Variants in PEAK1 observed in about 807,000 individuals in gnomAD.
The protein encoded by PEAK1 is pseudopodium enriched atypical kinase 1, also known as inactive tyrosine-protein kinase PEAK1.
Under a neutral mutation model 124.7 loss-of-function variants are expected in PEAK1, and 54 were observed. The observed-to-expected ratio is 0.43, with a 90% CI of 0.35 to 0.54. The LOEUF (loss-of-function observed/expected upper bound fraction) is 0.54. Ranked by LOEUF, PEAK1 falls within the 20% of genes least tolerant of loss-of-function variation. PEAK1 has a pLI of 0.01. For missense variants in PEAK1, 2,046 were observed against 2,134.5 expected, an observed-to-expected ratio of 0.96 and a Z score of 0.82; for synonymous variants, 719 against 760.0, an observed-to-expected ratio of 0.95 and a Z score of 0.89.
chr15:77,196,504 A>G (rs2058109832), intron 6 of PEAK1, among the ~76,000 whole-genome samples: 1 of 152,174 alleles, frequency 6.6e-6, no homozygotes, highest in Admixed American at 6.5e-5. Context: ...AAATTTACTG[A>G]GAAACACTGG....
intron 2 of PEAK1, among the ~76,000 whole-genome samples, chr15:77,338,511 T>C (rs1199630900): frequency 6.6e-6 from 1 of 152,098 alleles, no homozygotes; most frequent in Admixed American, 6.6e-5. Context: ...TTTGTAAAAA[T>C]TAAGTATTTC....
rs555446475 is a variant in PEAK1, at chr15:77,157,119, A to G, written c.3331+1384T>C. On this transcript the variant is annotated intron_variant, in intron 8 of 9. Coordinates refer to ENST00000682557, the MANE Select transcript of PEAK1 (RefSeq NM_001385026.1). ...TATTATCTCCCACAGTGTTACCATAATTTTCTGGCCTTCTTAGGGACTCCT... is the reference window on the plus strand; with the variant it reads ...TATTATCTCCCACAGTGTTACCATAGTTTTCTGGCCTTCTTAGGGACTCCT... 3 of 152,278 alleles carry G rather than the reference A, an allele frequency of 2.0e-5. No individual in the cohort carries two copies. In the South Asian group the frequency reaches 6.2e-4, roughly 32 times the overall value. The allele number at this position is 152,278 out of a possible 1,614,324, so 9.4% of individuals were successfully genotyped here. A position where few individuals can be genotyped will look rare whatever the true frequency, so the allele number is the denominator to read the frequency against.
In PEAK1 at chr15:77,315,528, T is replaced by C. The variant is rs533027889; in HGVS notation, c.-602-29024A>G. Among the ~76,000 whole-genome samples, 25 of 152,254 alleles carry C rather than the reference T, an allele frequency of 1.6e-4. 1 individual carries two copies. Among genetic ancestry groups the C allele is most frequent in the Middle Eastern group, 3.4e-3 (1 of 294 alleles). On this transcript the variant is annotated intron_variant, in intron 2 of 9. Coordinates refer to ENST00000682557, the MANE Select transcript of PEAK1 (RefSeq NM_001385026.1). Reference sequence around the variant, plus strand: ...TCAAATGGTAGTGTTTTGTAATCTCTACTGTATTTCCTATTAAGGTTTTAT... The same window carrying C: ...TCAAATGGTAGTGTTTTGTAATCTCCACTGTATTTCCTATTAAGGTTTTAT...
chr15:77,138,652 C>T (rs1165343830), intron 8 of PEAK1, among the ~76,000 whole-genome samples: 8 of 152,032 alleles, frequency 5.3e-5, no homozygotes, highest in Admixed American at 5.2e-4. Flanking sequence ...CCACTTGAGG[C>T]CAGGAGTTTG....
intron 1 of PEAK1, among the ~76,000 whole-genome samples, chr15:77,388,077 C>T: frequency 6.6e-6 from 1 of 152,074 alleles, no homozygotes; most frequent in East Asian, 1.9e-4. Flanking sequence ...CCTGTGGTCC[C>T]AGCTACTTGT....
At chr15:77,138,047 A>G (rs1168593730) in intron 8 of PEAK1, among the ~76,000 whole-genome samples, 2 of 152,168 alleles carry the variant, frequency 1.3e-5, no homozygotes, top group African/African-American at 4.8e-5. Flanking sequence ...TGCCATTCAC[A>G]TAAGATGTGA....
At chr15:77,214,038 T>C (rs984097095) in intron 6 of PEAK1, among the ~76,000 whole-genome samples, 1 of 152,190 alleles carries the variant, frequency 6.6e-6, no homozygotes, top group Non-Finnish European at 1.5e-5. Flanking sequence ...TACTACATAG[T>C]AGTCATGTTT....
intron 6 of PEAK1, among the ~76,000 whole-genome samples, chr15:77,250,202 CATATATATGTATATATATACACATATAT>C (rs1250455027): frequency 2.9e-5 from 3 of 104,398 alleles, no homozygotes; most frequent in African/African-American, 6.4e-5. Context: ...CATATATATA[CATATATATGTATATATATACACATATAT>C]ATGTATATGT....
chr15:77,226,355 C>T (rs182840655), intron 6 of PEAK1, among the ~76,000 whole-genome samples: 1 of 151,412 alleles, frequency 6.6e-6, no homozygotes, highest in Admixed American at 6.6e-5. Flanking sequence ...GCCATGATAA[C>T]GAATTAGGTA....
chr15:77,194,392 C>G (rs940344628), intron 6 of PEAK1, among the ~76,000 whole-genome samples: 3 of 152,124 alleles, frequency 2.0e-5, no homozygotes. Flanking sequence ...ATTTAAACTC[C>G]TTAGAATAAA....
chr15:77,319,250 G>A (rs1208990696), intron 2 of PEAK1, among the ~76,000 whole-genome samples: 4 of 147,244 alleles, frequency 2.7e-5, no homozygotes, highest in Non-Finnish European at 3.0e-5. Context: ...CCCAAATGTA[G>A]TTTAAAAAAA....
chr15:77,320,880 A>G (rs1040436070), intron 2 of PEAK1, among the ~76,000 whole-genome samples: 3 of 151,126 alleles, frequency 2.0e-5, no homozygotes, highest in African/African-American at 7.3e-5. Flanking sequence ...TCATTGTTCA[A>G]TTCCCACCTA....
chr15:77,144,519 G>C (rs912862178), intron 8 of PEAK1, among the ~76,000 whole-genome samples: 1 of 152,210 alleles, frequency 6.6e-6, no homozygotes, highest in African/African-American at 2.4e-5. Context: ...GCGCACAGCA[G>C]GTATGCAGTA....
intron 5 of PEAK1, among the ~76,000 whole-genome samples, chr15:77,256,238 G>GT (rs1393147603): frequency 1.3e-5 from 2 of 152,118 alleles, no homozygotes; most frequent in African/African-American, 4.8e-5. Context: ...AGGCTTGGTA[G>GT]TAAGATAAAT....
intron 6 of PEAK1, among the ~76,000 whole-genome samples, chr15:77,188,888 C>T (rs2057683836): frequency 6.6e-6 from 1 of 152,014 alleles, no homozygotes; most frequent in South Asian, 2.1e-4. Flanking sequence ...AGTACCAGGC[C>T]CTTTACCCAT....
intron 2 of PEAK1, among the ~76,000 whole-genome samples, chr15:77,355,486 C>A (rs547414592): frequency 5.3e-5 from 8 of 152,212 alleles, no homozygotes; most frequent in African/African-American, 1.4e-4. Context: ...CAGAGAGACC[C>A]TTTTATAATT....
chr15:77,364,108 A>G (rs2068069473), intron 2 of PEAK1, among the ~76,000 whole-genome samples: 3 of 152,136 alleles, frequency 2.0e-5, no homozygotes, highest in African/African-American at 7.2e-5. Context: ...CTGAGGTAGG[A>G]GAACTGCTTG....
At chr15:77,252,909 T>A (rs546936769) in intron 5 of PEAK1, among the ~76,000 whole-genome samples, 85 of 152,350 alleles carry the variant, frequency 5.6e-4, no homozygotes, top group African/African-American at 1.9e-3. Flanking sequence ...AACTTCAGTA[T>A]AAAGACCTCT....
chr15:77,178,654 T>C (rs913087662), intron 7 of PEAK1, 136 bp downstream of exon 7: 2 of 829,892 alleles, frequency 2.4e-6, no homozygotes, highest in African/African-American at 3.4e-5. Flanking sequence ...GGAATGCAGT[T>C]ATAAAGATAG....
Sources: gnomAD v4.1 joint callset for allele counts (sites outside exome capture counted in the v4.1 genomes callset) on GRCh38, gnomAD v4.1.1 for gene constraint, MANE v1.5 for transcripts, NCBI Gene and HGNC (gene_info 2026-07-23, HGNC 2026-07-21) for gene names.